The following MSH6 variants were observed in gnomAD, a reference collection of about 807,000 sequenced individuals.
MSH6 encodes the protein mutS homolog 6.
MSH6 carries 85 observed loss-of-function variants against 119.1 expected under a neutral mutation model. The observed-to-expected ratio is 0.71, with a 90% confidence interval of 0.60 to 0.85. The LOEUF is 0.85. MSH6 is among the 40% of genes least tolerant of loss of function. MSH6 has a pLI of 0.00. For missense variants in MSH6, 2,163 were observed against 1,655.3 expected (o/e 1.31, Z -5.32); for synonymous variants, 830 against 586.9 (o/e 1.41, Z -5.99).
intron 1 of MSH6, among the ~76,000 whole-genome samples, chr2:47,785,740 C>T (rs899040286): frequency 1.3e-5 from 2 of 152,156 alleles, no homozygotes; most frequent in Non-Finnish European, 2.9e-5. Context: ...AAAAGCATGA[C>T]GTATTGTTTA....
At chr2:47,793,264 T>C (rs1668850201) in intron 2 of MSH6, among the ~76,000 whole-genome samples, 2 of 129,970 alleles carry the variant, frequency 1.5e-5, no homozygotes. Context: ...GAGGTTGCAG[T>C]GAGTCAAGAT....
At chr2:47,783,848 A>C in intron 1 of MSH6, 7 of 748,574 alleles carry the variant, frequency 9.4e-6, no homozygotes, top group South Asian at 6.4e-5. Flanking sequence ...GGGAGGTGGG[A>C]GCACTGGGGG....
chr2:47,804,295 T>A (rs1451084528), intron 5 of MSH6, among the ~76,000 whole-genome samples: 1 of 152,134 alleles, frequency 6.6e-6, no homozygotes, highest in Non-Finnish European at 1.5e-5. Context: ...AAAAATTTTT[T>A]ATGGCATTGT....
chr2:47,792,148 C>G (rs547988204), intron 2 of MSH6, among the ~76,000 whole-genome samples: 1 of 152,222 alleles, frequency 6.6e-6, no homozygotes, highest in South Asian at 2.1e-4. Flanking sequence ...GCCCAGCCGC[C>G]CAGCTAATTT....
downstream of MSH6, chr2:47,808,583 T>C: frequency 1.8e-6 from 1 of 545,190 alleles, no homozygotes; most frequent in Admixed American, 3.5e-5. Context: ...GGAACTTTAA[T>C]GGAGTAAGTG....
Position 47,793,974 on chromosome 2 carries a change from C to T in MSH6, c.458-1920C>T, listed in dbSNP as rs374781165. Among the ~76,000 whole-genome samples the T allele has an allele frequency of 5.1e-4, 77 of 151,792 alleles. 1 individual carries two copies. The East Asian group carries it at 0.014, about 27-fold the overall frequency. ...CTCAAACTCCTGACCTTAAGTGATC[C>T]GTCCACCTTGGCCTCCCAAAGTGCT... On this transcript the variant is annotated intron_variant, in intron 2 of 9. Transcript: ENST00000234420.
chr2:47,806,959 T>TA (rs1229888606), downstream of MSH6: 117 of 947,002 alleles, frequency 1.2e-4, no homozygotes, highest in Admixed American at 1.8e-4. Flanking sequence ...AATGACCATT[T>TA]TTCCATTTTC....
chr2:47,807,957 T>A (rs3732187), downstream of MSH6: 3 of 657,608 alleles, frequency 4.6e-6, no homozygotes, highest in Non-Finnish European at 7.8e-6. Flanking sequence ...ATTGCCACTT[T>A]CTTTTTGGTA....
Position 47,806,110 on chromosome 2 carries a change from C to A in MSH6, c.3647-94C>A, listed in dbSNP as rs570629105. On this transcript the variant is annotated intron_variant, in intron 7 of 9. Transcript: ENST00000234420. ...TGCTTTTAGACGTGGATGTACTAAC[C>A]GATGTTGCTTTTCTGTCCTAGCATT... The A allele has an allele frequency of 1.9e-4, 227 of 1,211,880 alleles. 4 individuals carry two copies. In the South Asian group the frequency reaches 2.8e-3, roughly 15 times the overall value. The allele number at this position is 1,211,880 out of a possible 1,614,324, so 75.1% of individuals were successfully genotyped here. A position where few individuals can be genotyped will look rare whatever the true frequency, so the allele number is the denominator to read the frequency against.
chr2:47,793,375 A>G (rs1390448258), intron 2 of MSH6, among the ~76,000 whole-genome samples: 1 of 148,738 alleles, frequency 6.7e-6, no homozygotes, highest in East Asian at 2.0e-4. Flanking sequence ...CGCGCCTGTA[A>G]TCCCAACACT....
In MSH6 at chr2:47,806,614, G is replaced by A. The variant is rs1553333707; in HGVS notation, c.3964G>A (p.Glu1322Lys). The A allele has an allele frequency of 6.2e-7, 1 of 1,612,438 alleles. No individual in the cohort carries two copies. The highest frequency in any genetic ancestry group is 8.5e-7 in the Non-Finnish European group (1 of 1,179,724). ...TCAAAAGGGACATAGAAAAGCAAGA[G>A]AATTTGAGAAGATGAATCAGTCACT... ...VIQKGHRKAREFEKMNQSLRL... is the reference protein window; with the variant it reads ...VIQKGHRKARKFEKMNQSLRL... Residue 1322 changes from glutamate to lysine, a missense_variant, in exon 9 of 10, where the codon GAA (glutamate) becomes AAA (lysine). Glu to Lys is a moderately conservative substitution (Grantham distance 56). Transcript: ENST00000234420.
chr2:47,791,685 T>C (rs1668738086), intron 2 of MSH6, among the ~76,000 whole-genome samples: 1 of 149,986 alleles, frequency 6.7e-6, no homozygotes, highest in African/African-American at 2.4e-5. Context: ...CTTTTTTTTT[T>C]TTTTTTTTCT....
At position 47,798,962 on chromosome 2, in the gene MSH6, A is replaced by G. The variant is rs730881814; in HGVS notation, c.979A>G (p.Thr327Ala). Residue 327 changes from threonine to alanine, a missense_variant, in exon 4 of 10, where the codon ACT becomes GCT. Transcript: ENST00000234420. ...KETPSATKQA[T>A]SISSETKNTL... Reference sequence around the variant, plus strand: ...AACGCCCTCAGCCACCAAACAAGCAACTAGCATTTCATCAGAAACCAAGAA... The same window carrying G: ...AACGCCCTCAGCCACCAAACAAGCAGCTAGCATTTCATCAGAAACCAAGAA... 4.3e-6 allele frequency: 7 copies of G among 1,614,088 alleles called. No homozygotes were observed. The highest frequency in any genetic ancestry group is 1.7e-5 in the Admixed American group (1 of 59,996).
downstream of MSH6, chr2:47,807,920 C>T: frequency 1.9e-6 from 1 of 537,110 alleles, no homozygotes; most frequent in Non-Finnish European, 3.3e-6. Flanking sequence ...TGCTAAAACA[C>T]CCAGCTTTGA....
At chr2:47,804,299 G>T (rs1669812454) in intron 5 of MSH6, among the ~76,000 whole-genome samples, 1 of 151,968 alleles carries the variant, frequency 6.6e-6, no homozygotes, top group South Asian at 2.1e-4. Flanking sequence ...ATTTTTTATG[G>T]CATTGTATTT....
rs34625968 is a variant in MSH6, at chr2:47,806,561, G to A, written c.3911G>A (p.Arg1304Lys). 4.1e-4 allele frequency: 665 copies of A among 1,613,752 alleles called. 2 individuals are homozygous for A. The African/African-American group carries it at 8.0e-3, about 20-fold the overall frequency. The change falls in exon 9 of 10, where the codon AGG (arginine) becomes AAG (lysine). Residue 1304 changes from arginine (R) to lysine (K), a missense_variant. Physicochemically the swap from Arg to Lys is conservative, Grantham distance 26. Coordinates refer to ENST00000234420, the MANE Select transcript of MSH6 (RefSeq NM_000179.3). ...AAAAGCTATGGCTTTAATGCAGCAA[G>A]GCTTGCTAATCTCCCAGAGGAAGTT... ...CPKSYGFNAA[R>K]LANLPEEVIQ...
At chr2:47,809,331 A>ATAG, downstream of MSH6, 1 of 1,061,210 alleles carries the variant, frequency 9.4e-7, no homozygotes, top group Non-Finnish European at 1.4e-6. Context: ...ACCAAAGATT[A>ATAG]TAGGATTATT....
At chr2:47,807,673 A>C (rs1307224081), downstream of MSH6, 2 of 229,414 alleles carry the variant, frequency 8.7e-6, no homozygotes, top group African/African-American at 4.5e-5. Flanking sequence ...ATGTTAAAAA[A>C]AAAAAATCAA....
At position 47,800,494 on chromosome 2, in the gene MSH6, C is replaced by T. The variant is rs587779925; in HGVS notation, c.2511C>T (p.His837=). ...NVGSPLKSQN[H]PDSRAIMYEE... ...GGTCTCCCCTGAAGAGTCAGAACCA[C>T]CCAGACAGCAGGGCTATAATGTATG... is the stretch of plus-strand genomic sequence containing the variant. The change falls in exon 4 of 10, where the codon CAC becomes CAT. Residue 837 remains histidine, a synonymous_variant. Coordinates refer to ENST00000234420, the MANE Select transcript of MSH6 (RefSeq NM_000179.3). The T allele has an allele frequency of 2.2e-5, 36 of 1,612,826 alleles. No individual in the cohort carries two copies. Among genetic ancestry groups the T allele is most frequent in the Non-Finnish European group, 2.9e-5 (34 of 1,179,750 alleles).
Sources: gnomAD v4.1 joint callset for allele counts (sites outside exome capture counted in the v4.1 genomes callset) on GRCh38, gnomAD v4.1.1 for gene constraint, MANE v1.5 for transcripts, NCBI Gene and HGNC (gene_info 2026-07-23, HGNC 2026-07-21) for gene names.